Variants in PXT1 observed in about 807,000 individuals in gnomAD.
PXT1 encodes the protein peroxisomal testis-specific protein 1.
PXT1 carries 11 observed loss-of-function variants against 11.0 expected under a neutral mutation model. That is an observed-to-expected ratio of 1.00 (90% CI 0.63 to 1.66). The LOEUF is 1.66. Among genes scored for constraint, PXT1 ranks in the 40% most tolerant of loss-of-function variants. The probability of loss-of-function intolerance (pLI) is 0.00; values close to 1 mark genes in which losing one functional copy is unlikely to be tolerated. For missense variants in PXT1, 141 were observed against 155.5 expected (o/e 0.91, Z 0.49); for synonymous variants, 43 against 51.4 (o/e 0.84, Z 0.70).
At chr6:36,436,543 C>T (rs760677713) in intron 2 of PXT1, among the ~76,000 whole-genome samples, 8 of 152,094 alleles carry the variant, frequency 5.3e-5, no homozygotes, top group Admixed American at 4.6e-4. Context: ...AGCACCAGCA[C>T]GGAATTAACA....
intron 4 of PXT1, among the ~76,000 whole-genome samples, chr6:36,396,769 G>C (rs967191365): frequency 6.6e-6 from 1 of 152,228 alleles, no homozygotes; most frequent in Non-Finnish European, 1.5e-5. Flanking sequence ...TCAGGACAAA[G>C]AGGGTAGAGA....
chr6:36,437,417 C>G lies in PXT1; in HGVS notation c.-10+1350G>C, dbSNP rs948784413. ...GTCCTACATTCTGTATGTTGACTGT[C>G]CCTCTGGATATTCATGTAGGCAAAA... is the stretch of plus-strand genomic sequence containing the variant. On this transcript the variant is annotated intron_variant, in intron 2 of 4. Coordinates refer to ENST00000454782, the MANE Select transcript of PXT1 (RefSeq NM_152990.4). Among the ~76,000 whole-genome samples, 4 of 152,196 alleles carry G rather than the reference C, an allele frequency of 2.6e-5. No homozygotes were observed. The East Asian group carries it at 7.7e-4, about 29-fold the overall frequency.
intron 3 of PXT1, among the ~76,000 whole-genome samples, chr6:36,422,078 T>C (rs549028998): frequency 1.3e-5 from 2 of 152,202 alleles, no homozygotes; most frequent in Non-Finnish European, 2.9e-5. Flanking sequence ...AGATAATGCA[T>C]ATTAGACTGT....
chr6:36,428,360 G>T (rs1774638065), intron 2 of PXT1, among the ~76,000 whole-genome samples: 1 of 150,962 alleles, frequency 6.6e-6, no homozygotes, highest in Non-Finnish European at 1.5e-5. Flanking sequence ...CAGGAGACTG[G>T]CTTGAACCCT....
intron 3 of PXT1, among the ~76,000 whole-genome samples, chr6:36,407,125 TTTTAGTTCTGGTCA>T (rs1774303245): frequency 2.0e-5 from 3 of 152,218 alleles, no homozygotes; most frequent in Admixed American, 1.3e-4. Flanking sequence ...TAGGTTGTGT[TTTTAGTTCTGGTCA>T]TTTACTACTC....
intron 2 of PXT1, among the ~76,000 whole-genome samples, chr6:36,429,451 TGTC>T (rs1473443086): frequency 1.4e-5 from 2 of 147,496 alleles, no homozygotes; most frequent in Non-Finnish European, 3.0e-5. Flanking sequence ...TTAGGTATCT[TGTC>T]ATTATTATTA....
chr6:36,406,569 T>G (rs1051844571), intron 3 of PXT1, among the ~76,000 whole-genome samples: 1 of 151,862 alleles, frequency 6.6e-6, no homozygotes, highest in Admixed American at 6.6e-5. Context: ...TCCCAGCACT[T>G]TGGGAGGCTG....
At chr6:36,429,490 TTTTTCTTTTTTTC>T (rs1774657654) in intron 2 of PXT1, among the ~76,000 whole-genome samples, 1 of 129,532 alleles carries the variant, frequency 7.7e-6, no homozygotes, top group Non-Finnish European at 1.5e-5. Flanking sequence ...TCACTTTTCT[TTTTTCTTTTTTTC>T]TTTTCTTTTT....
chr6:36,430,161 C>T (rs566453346), intron 2 of PXT1, among the ~76,000 whole-genome samples: 3 of 151,670 alleles, frequency 2.0e-5, no homozygotes, highest in Middle Eastern at 3.4e-3. Context: ...GGGGTGAGAT[C>T]GCACCAGTGT....
intron 4 of PXT1, among the ~76,000 whole-genome samples, chr6:36,394,824 C>T (rs1774121006): frequency 6.6e-6 from 1 of 151,008 alleles, no homozygotes; most frequent in Non-Finnish European, 1.5e-5. Context: ...TTTTCAGATT[C>T]AGGGTCTCCC....
At position 36,391,401 on chromosome 6, in the gene PXT1, T is replaced by C. The variant is rs1774064507; in HGVS notation, c.*369A>G. On this transcript the variant is annotated 3_prime_UTR_variant, in exon 5 of 5. Transcript: ENST00000454782. ...AGTGGGCCAGGAGGTAGTGCCCATT[T>C]CTGTGGCCTTTAGTTTGAGGACGAG... The C allele has an allele frequency of 4.4e-6, 1 of 226,570 alleles. No individual in the cohort carries two copies. Among genetic ancestry groups the C allele is most frequent in the Admixed American group, 5.7e-5 (1 of 17,606 alleles). The allele number at this position is 226,570 out of a possible 1,614,324, so 14.0% of individuals were successfully genotyped here. A position where few individuals can be genotyped will look rare whatever the true frequency, so the allele number is the denominator to read the frequency against.
At chr6:36,434,956 A>G (rs559449497) in intron 2 of PXT1, among the ~76,000 whole-genome samples, 1 of 152,314 alleles carries the variant, frequency 6.6e-6, no homozygotes, top group South Asian at 2.1e-4. Context: ...ACTTTTCTGA[A>G]AGGTACTTTT....
chr6:36,411,432 C>G (rs1216340060), intron 3 of PXT1, among the ~76,000 whole-genome samples: 1 of 152,034 alleles, frequency 6.6e-6, no homozygotes, highest in Non-Finnish European at 1.5e-5. Context: ...GCCTGGGCAA[C>G]AAGAGTGAAA....
chr6:36,401,262 G>T (rs1561925423), intron 3 of PXT1, among the ~76,000 whole-genome samples: 1 of 151,514 alleles, frequency 6.6e-6, no homozygotes, highest in Non-Finnish European at 1.5e-5. Context: ...TGTACTTATA[G>T]GACACCTCAA....
At chr6:36,394,859 T>C (rs1774121480) in intron 4 of PXT1, among the ~76,000 whole-genome samples, 1 of 152,040 alleles carries the variant, frequency 6.6e-6, no homozygotes, top group African/African-American at 2.4e-5. Context: ...TGAAGTGCAG[T>C]GACACAATCA....
chr6:36,425,826 ATATT>A, intron 3 of PXT1, 84 bp downstream of exon 3: 1 of 442,154 alleles, frequency 2.3e-6, no homozygotes, highest in Non-Finnish European at 3.7e-6. Context: ...ATATATATAT[ATATT>A]TAATGTCCAA....
intron 3 of PXT1, among the ~76,000 whole-genome samples, chr6:36,419,412 C>T (rs1244046584): frequency 1.3e-5 from 2 of 152,080 alleles, no homozygotes; most frequent in Non-Finnish European, 1.5e-5. Context: ...GAAGGAGCTA[C>T]AAGGAAACCA....
At position 36,435,518 on chromosome 6, in the gene PXT1, T is replaced by A. The variant is rs189278773; in HGVS notation, c.-10+3249A>T. Among the ~76,000 whole-genome samples, 295 of 152,168 alleles carry A rather than the reference T, an allele frequency of 1.9e-3. 3 individuals carry two copies. The Middle Eastern group carries it at 0.024, about 12-fold the overall frequency. ...TCCAGGCCGCAGTGAGCTATGACCATGCCACTGCACTCTAGCCTGGGTGAC... is the reference window on the plus strand; with the variant it reads ...TCCAGGCCGCAGTGAGCTATGACCAAGCCACTGCACTCTAGCCTGGGTGAC... On this transcript the variant is annotated intron_variant, in intron 2 of 4. Coordinates refer to ENST00000454782, the MANE Select transcript of PXT1 (RefSeq NM_152990.4).
intron 2 of PXT1, among the ~76,000 whole-genome samples, chr6:36,431,513 T>C (rs906989380): frequency 1.3e-5 from 2 of 152,096 alleles, no homozygotes; most frequent in African/African-American, 4.8e-5. Flanking sequence ...ATGCCTGTAA[T>C]CCCAACACTT....
Sources: allele counts gnomAD v4.1 joint callset (sites outside exome capture counted in the v4.1 genomes callset), GRCh38; gene constraint gnomAD v4.1.1; transcripts MANE v1.5; gene names NCBI Gene and HGNC (gene_info 2026-07-23, HGNC 2026-07-21).